SEMA3A: variants seen among roughly 807,000 people sequenced by gnomAD.
SEMA3A encodes semaphorin-3A.
A neutral mutation model predicts 97.9 loss-of-function variants in SEMA3A; 29 were observed. The observed-to-expected ratio is 0.30, with a 90% confidence interval of 0.22 to 0.40. The LOEUF is 0.40. Among genes scored for constraint, SEMA3A ranks in the 10% least tolerant of loss-of-function variants. The pLI, the probability that SEMA3A is intolerant of heterozygous loss-of-function variation, is 1.00. For missense variants in SEMA3A, 763 were observed against 951.3 expected, an observed-to-expected ratio of 0.80 and a Z score of 2.60; for synonymous variants, 321 against 323.7, an observed-to-expected ratio of 0.99 and a Z score of 0.09.
chr7:84,362,497 T>C (rs574922644), intron 2 of SEMA3A, among the ~76,000 whole-genome samples: 1 of 152,126 alleles, frequency 6.6e-6, no homozygotes, highest in East Asian at 1.9e-4. Context: ...TTGCTAGAGT[T>C]GAATAACAAT....
At chr7:84,207,890 G>C (rs1312686268) in intron 3 of SEMA3A, among the ~76,000 whole-genome samples, 1 of 152,116 alleles carries the variant, frequency 6.6e-6, no homozygotes, top group Non-Finnish European at 1.5e-5. Flanking sequence ...CTAAAACAGT[G>C]AGACAGTGAG....
At chr7:84,312,915 TATATATAC>T (rs1200828920) in intron 2 of SEMA3A, among the ~76,000 whole-genome samples, 598 of 43,384 alleles carry the variant, frequency 0.014, 2 homozygotes, top group Non-Finnish European at 0.026. Flanking sequence ...TATATATATA[TATATATAC>T]ACACACACAC....
chr7:84,038,326 C>G (rs1483290966), intron 6 of SEMA3A, among the ~76,000 whole-genome samples: 1 of 152,092 alleles, frequency 6.6e-6, no homozygotes, highest in African/African-American at 2.4e-5. Flanking sequence ...CATTTTACTA[C>G]ATTTTTAGCA....
chr7:83,969,275 C>T (rs563594680), intron 15 of SEMA3A, among the ~76,000 whole-genome samples: 1 of 152,164 alleles, frequency 6.6e-6, no homozygotes, highest in South Asian at 2.1e-4. Context: ...ATTGAGAATC[C>T]AAATGAAGAC....
intron 1 of SEMA3A, among the ~76,000 whole-genome samples, chr7:84,475,505 T>A (rs1806259636): frequency 6.6e-6 from 1 of 152,190 alleles, no homozygotes; most frequent in Admixed American, 6.5e-5. Context: ...TTTATTGGGG[T>A]ACGTTTTACA....
rs1345534613 is a variant in SEMA3A at position 83,956,883 on chromosome 7, C to A, written c.*4488G>T. 1.3e-5 allele frequency: 2 copies of A among 152,062 alleles called. No homozygotes were observed. The highest frequency in any genetic ancestry group is 2.9e-5 in the Non-Finnish European group (2 of 67,994). 9.4% of individuals were successfully genotyped at this position (152,062 alleles called of 1,614,324 possible). On this transcript the variant is annotated 3_prime_UTR_variant, in exon 17 of 17. Transcript: ENST00000265362. ...GGAAAGTCACTTATTCTCTGAAGCA[C>A]CCCATGATCTCTCTCCACAAGTTAA...
At position 84,363,750 on chromosome 7, in the gene SEMA3A, A is replaced by G. The variant is rs538618; in HGVS notation, c.-169+8074T>C. ...ATTGTTATCAATTCCAGCTCCCTGTATAGTCCTGATTGGTCTAGGCCAATC... is the reference window on the plus strand; with the variant it reads ...ATTGTTATCAATTCCAGCTCCCTGTGTAGTCCTGATTGGTCTAGGCCAATC... On this transcript the variant is annotated intron_variant, in intron 2 of 3. Coordinates refer to the SEMA3A transcript ENST00000424555. 5.9e-3 allele frequency among the ~76,000 whole-genome samples: 895 copies of G among 151,962 alleles called. 11 individuals are homozygous for G. The highest frequency in any genetic ancestry group is 0.02 in the African/African-American group (832 of 41,514).
At chr7:84,150,789 G>A (rs1200393251) in intron 1 of SEMA3A, among the ~76,000 whole-genome samples, 13 of 152,086 alleles carry the variant, frequency 8.5e-5, no homozygotes, top group South Asian at 2.1e-4. Flanking sequence ...TGGGGGCAGG[G>A]CACAGACAAA....
chr7:84,424,025 G>C (rs1237090865), intron 1 of SEMA3A, among the ~76,000 whole-genome samples: 1 of 151,766 alleles, frequency 6.6e-6, no homozygotes, highest in Non-Finnish European at 1.5e-5. Context: ...GAAAGGGAAA[G>C]CTTATACACT....
At chr7:84,062,133 T>C (rs1266667672) in intron 4 of SEMA3A, among the ~76,000 whole-genome samples, 1 of 152,202 alleles carries the variant, frequency 6.6e-6, no homozygotes, top group Non-Finnish European at 1.5e-5. Context: ...ATTTATATTC[T>C]ATTAATTATG....
chr7:84,354,071 GA>G (rs1457569479), intron 2 of SEMA3A, among the ~76,000 whole-genome samples: 1 of 151,462 alleles, frequency 6.6e-6, no homozygotes, highest in Non-Finnish European at 1.5e-5. Context: ...TATTTTAGCT[GA>G]AAGTAAAGTT....
chr7:84,084,075 G>C (rs940220073), intron 4 of SEMA3A, among the ~76,000 whole-genome samples: 3 of 152,046 alleles, frequency 2.0e-5, no homozygotes, highest in African/African-American at 7.2e-5. Flanking sequence ...GTGGCCAAAA[G>C]TAGGTCTAAA....
intron 2 of SEMA3A, among the ~76,000 whole-genome samples, chr7:84,342,858 G>C (rs1350278443): frequency 4.6e-5 from 7 of 152,172 alleles, no homozygotes; most frequent in Non-Finnish European, 7.3e-5. Flanking sequence ...GTTTCAGCAA[G>C]CACATGAATG....
intron 15 of SEMA3A, among the ~76,000 whole-genome samples, chr7:83,972,650 A>G (rs140522552): frequency 1.3e-5 from 2 of 152,262 alleles, no homozygotes; most frequent in African/African-American, 4.8e-5. Context: ...CTGTATTTTA[A>G]TGGTATGTGA....
chr7:84,041,423 G>A (rs1209582292), intron 6 of SEMA3A, among the ~76,000 whole-genome samples: 3 of 152,018 alleles, frequency 2.0e-5, no homozygotes, highest in Non-Finnish European at 4.4e-5. Flanking sequence ...TGCATTATTT[G>A]TTGGGACGAA....
intron 3 of SEMA3A, among the ~76,000 whole-genome samples, chr7:84,203,526 A>ATATATATTTTTTTTTTT (rs372380784): frequency 3.9e-5 from 1 of 25,656 alleles, no homozygotes; most frequent in Non-Finnish European, 7.1e-5. Context: ...ATATATATAT[A>ATATATATTTTTTTTTTT]TTTTTTTTTT....
At chr7:84,280,386 T>G (rs1321297317) in intron 3 of SEMA3A, among the ~76,000 whole-genome samples, 1 of 152,162 alleles carries the variant, frequency 6.6e-6, no homozygotes, top group Non-Finnish European at 1.5e-5. Flanking sequence ...CCACGGCAAT[T>G]TATTTCAGAA....
intron 2 of SEMA3A, among the ~76,000 whole-genome samples, chr7:84,310,529 A>T (rs996494702): frequency 6.6e-6 from 1 of 152,142 alleles, no homozygotes; most frequent in Non-Finnish European, 1.5e-5. Flanking sequence ...TTACAAATAG[A>T]TGATAATTCT....
At chr7:84,483,489 G>A (rs1806496240) in intron 1 of SEMA3A, among the ~76,000 whole-genome samples, 1 of 152,152 alleles carries the variant, frequency 6.6e-6, no homozygotes, top group African/African-American at 2.4e-5. Flanking sequence ...TTTTTATAGA[G>A]AAGGAGGCTT....
Sources: gnomAD v4.1 joint callset for allele counts (sites outside exome capture counted in the v4.1 genomes callset) on GRCh38, gnomAD v4.1.1 for gene constraint, MANE v1.5 for transcripts, NCBI Gene and HGNC (gene_info 2026-07-23, HGNC 2026-07-21) for gene names.